The following ATP5MC3 variants were observed in gnomAD, a reference collection of about 807,000 sequenced individuals.
ATP5MC3 encodes ATP synthase membrane subunit c locus 3.
A neutral mutation model predicts 15.6 loss-of-function variants in ATP5MC3; 6 were observed. The ratio of observed to expected loss-of-function variants is 0.38; its 90% CI spans 0.21 to 0.76. ATP5MC3 has a LOEUF of 0.76. Ranked by LOEUF, ATP5MC3 falls within the 30% of genes least tolerant of loss-of-function variation. The probability of loss-of-function intolerance (pLI) is 0.44; values close to 1 mark genes in which losing one functional copy is unlikely to be tolerated. For synonymous variants in ATP5MC3, 66 were observed against 63.3 expected (o/e 1.04, Z -0.20); for missense variants, 132 against 171.2 (o/e 0.77, Z 1.28).
At chr2:175,181,010 A>G (rs1241904579) in intron 2 of ATP5MC3, among the ~76,000 whole-genome samples, 1 of 152,122 alleles carries the variant, frequency 6.6e-6, no homozygotes, top group African/African-American at 2.4e-5. Flanking sequence ...ACGGCCCCCT[A>G]CATCCTCTGC....
In ATP5MC3 at chr2:175,177,994, A is replaced by G. The variant is rs1700712952; in HGVS notation, c.*294T>C. 1 of 243,980 alleles carries G rather than the reference A, an allele frequency of 4.1e-6. No homozygotes were observed. Among genetic ancestry groups the G allele is most frequent in the Non-Finnish European group, 7.7e-6 (1 of 129,848 alleles). 15.1% of individuals were successfully genotyped at this position (243,980 alleles called of 1,614,324 possible). A position where few individuals can be genotyped will look rare whatever the true frequency, so the allele number is the denominator to read the frequency against. On this transcript the variant is annotated 3_prime_UTR_variant, in exon 5 of 5. Transcript: ENST00000284727. ...TGAATTACAATATGCAGAACACTAT[A>G]TAAAAGAATTCCCATAAAAATTACA...
chr2:175,178,606 T>C (rs1700723345), intron 4 of ATP5MC3: 13 of 1,294,888 alleles, frequency 1.0e-5, no homozygotes, highest in Non-Finnish European at 1.2e-5. Context: ...TCAATATAAA[T>C]GGTTAGTTTT....
intron 3 of ATP5MC3, chr2:175,179,732 T>C (rs268225): frequency 0.84 from 175,312 of 209,462 alleles, 73,541 homozygotes; most frequent in Non-Finnish European, 0.86. Context: ...CTTGAACTCC[T>C]GGGGTCAAGC....
At chr2:175,181,291 A>G (rs767762226) in intron 2 of ATP5MC3, 64 bp downstream of exon 2, 9 of 1,572,160 alleles carry the variant, frequency 5.7e-6, no homozygotes, top group Non-Finnish European at 6.9e-6. Flanking sequence ...CCATTCAACA[A>G]CGTGGACGCT....
At chr2:175,180,929 C>T (rs182287910) in intron 2 of ATP5MC3, among the ~76,000 whole-genome samples, 1 of 152,346 alleles carries the variant, frequency 6.6e-6, no homozygotes, top group Admixed American at 6.5e-5. Flanking sequence ...GGCAAAGTCC[C>T]TCCCTCTGCA....
chr2:175,178,789 G>A (rs1396897189), intron 4 of ATP5MC3: 13 of 1,158,870 alleles, frequency 1.1e-5, no homozygotes, highest in Non-Finnish European at 1.4e-5. Context: ...TCTGAAGTCA[G>A]ACTTAGTTAA....
At position 175,176,763 on chromosome 2, in the gene ATP5MC3, T is replaced by C. The variant is rs1169244479; in HGVS notation, c.*1525A>G. 1 of 152,228 alleles carries C rather than the reference T, an allele frequency of 6.6e-6. No homozygotes were observed. The highest frequency in any genetic ancestry group is 2.4e-5 in the African/African-American group (1 of 41,456). 9.4% of individuals were successfully genotyped at this position (152,228 alleles called of 1,614,324 possible). A position where few individuals can be genotyped will look rare whatever the true frequency, so the allele number is the denominator to read the frequency against. ...AATCATGTGGCTGGCTTCTTCCACTTAGCATGCTTTCTTAGGGTTCACTCA... is the reference window on the plus strand; with the variant it reads ...AATCATGTGGCTGGCTTCTTCCACTCAGCATGCTTTCTTAGGGTTCACTCA... On this transcript the variant is annotated 3_prime_UTR_variant, in exon 5 of 5. Transcript: ENST00000284727.
rs573647375 is a variant in ATP5MC3, at chr2:175,177,166, A to G, written c.*1122T>C. ...ATGTAGATTGCTGAGTCTCATGTCC[A>G]AAGAGTCCAATTCAGTAGGTCTGGA... On this transcript the variant is annotated 3_prime_UTR_variant, in exon 5 of 5. Transcript: ENST00000284727. 3 of 152,176 alleles carry G rather than the reference A, an allele frequency of 2.0e-5. No homozygotes were observed. Among genetic ancestry groups the G allele is most frequent in the Non-Finnish European group, 4.4e-5 (3 of 68,030 alleles). 9.4% of individuals were successfully genotyped at this position (152,176 alleles called of 1,614,324 possible). A position where few individuals can be genotyped will look rare whatever the true frequency, so the allele number is the denominator to read the frequency against.
At chr2:175,179,621 C>A in intron 3 of ATP5MC3, 1 of 200,686 alleles carries the variant, frequency 5.0e-6, no homozygotes, top group Non-Finnish European at 9.9e-6. Context: ...CAGCTCCCCA[C>A]CTCAGCCTCC....
At chr2:175,178,998 G>A in intron 4 of ATP5MC3, 59 bp downstream of exon 4, 3 of 1,575,046 alleles carry the variant, frequency 1.9e-6, no homozygotes, top group Admixed American at 3.4e-5. Flanking sequence ...TATTTCAGTA[G>A]CTAAGTTTCC....
At chr2:175,178,927 A>G (rs1559142796) in intron 4 of ATP5MC3, 130 bp downstream of exon 4, 2 of 1,378,166 alleles carry the variant, frequency 1.5e-6, no homozygotes, top group Non-Finnish European at 9.6e-7. Flanking sequence ...GAGATAATGC[A>G]TACAAAGCCC....
chr2:175,178,321 C>T lies in ATP5MC3; in HGVS notation c.396G>A (p.Leu132=), dbSNP rs146174090. Residue 132 remains leucine, a synonymous_variant, in exon 5 of 5, where the codon TTG becomes TTA. Transcript: ENST00000284727. ...ALSEAMGLFC[L]MVAFLILFAM Reference sequence around the variant, plus strand: ...CAAACAAAATCAAGAAAGCAACCATCAAACAAAAGAGACCCATAGCTTCAG... The same window carrying T: ...CAAACAAAATCAAGAAAGCAACCATTAAACAAAAGAGACCCATAGCTTCAG... 466 of 1,610,882 alleles carry T rather than the reference C, an allele frequency of 2.9e-4. 2 individuals carry two copies. The highest frequency in any genetic ancestry group is 1.7e-4 in the Middle Eastern group (1 of 6,040).
At chr2:175,180,724 T>C (rs929383221) in intron 2 of ATP5MC3, among the ~76,000 whole-genome samples, 3 of 152,218 alleles carry the variant, frequency 2.0e-5, no homozygotes, top group African/African-American at 7.2e-5. Flanking sequence ...GTCCAACTTC[T>C]CTGCCCTTGA....
chr2:175,181,643 G>A lies in ATP5MC3; in HGVS notation c.-74+13C>T, dbSNP rs1700776378. The stretch of plus-strand genomic sequence containing the variant: ...GCCCTGGCCAGGCCGGGCTCCCTGT[G>A]CCCTCCACTTACCTTCCCAGGAGGC... On this transcript the variant is annotated intron_variant, in intron 1 of 4. Transcript: ENST00000284727. 4 of 513,240 alleles carry A rather than the reference G, an allele frequency of 7.8e-6. No individual in the cohort carries two copies. In the East Asian group the frequency reaches 1.4e-4, roughly 17 times the overall value. The allele number at this position is 513,240 out of a possible 1,614,324, so 31.8% of individuals were successfully genotyped here. A position where few individuals can be genotyped will look rare whatever the true frequency, so the allele number is the denominator to read the frequency against.
Position 175,178,270 on chromosome 2 carries a change from A to G in ATP5MC3, c.*18T>C. ...ATCCGTAATTAATATGAATGCCAAC[A>G]TGTCAAGCAGTAATTTGTTACATGG... On this transcript the variant is annotated 3_prime_UTR_variant, in exon 5 of 5. Transcript: ENST00000284727. The G allele has an allele frequency of 6.2e-7, 1 of 1,600,028 alleles. No homozygotes were observed. The highest frequency in any genetic ancestry group is 8.5e-7 in the Non-Finnish European group (1 of 1,176,136).
In ATP5MC3 at chr2:175,178,317, C is replaced by A; in HGVS notation, c.400G>T (p.Val134Phe). The change falls in exon 5 of 5, where the codon GTT (valine) becomes TTT (phenylalanine). Residue 134 changes from valine (V) to phenylalanine (F), a missense_variant. Val to Phe is a conservative substitution (Grantham distance 50). Around this residue, in one of 2 missense-constraint regions of ATP5MC3, gnomAD observed 42 missense variants for 85.0 expected, o/e 0.49. Coordinates refer to ENST00000284727, the MANE Select transcript of ATP5MC3 (RefSeq NM_001689.5). Reference sequence around the variant, plus strand: ...ATGGCAAACAAAATCAAGAAAGCAACCATCAAACAAAAGAGACCCATAGCT... The same window carrying A: ...ATGGCAAACAAAATCAAGAAAGCAAACATCAAACAAAAGAGACCCATAGCT... ...SEAMGLFCLM[V>F]AFLILFAM 6.2e-7 allele frequency: 1 copy of A among 1,610,598 alleles called. No individual in the cohort carries two copies. Among genetic ancestry groups the A allele is most frequent in the Non-Finnish European group, 8.5e-7 (1 of 1,179,066 alleles).
chr2:175,180,416 A>G (rs1370386800), intron 2 of ATP5MC3, among the ~76,000 whole-genome samples: 1 of 152,244 alleles, frequency 6.6e-6, no homozygotes, highest in African/African-American at 2.4e-5. Flanking sequence ...ACAGTTACAA[A>G]GAGAGTAAGA....
intron 3 of ATP5MC3, 24 bp from the exon 4 acceptor site, chr2:175,179,274 A>C: frequency 6.3e-7 from 1 of 1,589,282 alleles, no homozygotes; most frequent in Non-Finnish European, 8.6e-7. Flanking sequence ...AATAAAGGTA[A>C]AGGTCGTATC....
intron 2 of ATP5MC3, 70 bp from the exon 3 acceptor site, chr2:175,180,248 T>G: frequency 8.4e-7 from 1 of 1,194,084 alleles, no homozygotes; most frequent in Non-Finnish European, 1.1e-6. Flanking sequence ...ATGACTTTTC[T>G]GGTACCATGA....
Sources: allele counts gnomAD v4.1 joint callset (sites outside exome capture counted in the v4.1 genomes callset), GRCh38; gene constraint gnomAD v4.1.1; regional missense constraint gnomAD v4.1.1; transcripts MANE v1.5; gene names NCBI Gene and HGNC (gene_info 2026-07-23, HGNC 2026-07-21).